The following AP3B1 variants were observed in gnomAD, a reference collection of about 807,000 sequenced individuals.
AP3B1 encodes the protein adaptor related protein complex 3 subunit beta 1, also known as AP-3 complex subunit beta-1.
In AP3B1, 61 loss-of-function variants were observed where a neutral mutation model predicts 132.5. That is an observed-to-expected ratio of 0.46 (90% confidence interval 0.37 to 0.57). The LOEUF (loss-of-function observed/expected upper bound fraction) is 0.57, where lower values mean the gene tolerates loss of function less well. AP3B1 is among the 20% of genes least tolerant of loss of function. The pLI, the probability that AP3B1 is intolerant of heterozygous loss-of-function variation, is 0.00. For missense variants in AP3B1, 1,120 were observed against 1,289.4 expected, an observed-to-expected ratio of 0.87 and a Z score of 2.01; for synonymous variants, 388 against 438.3, an observed-to-expected ratio of 0.89 and a Z score of 1.43.
chr5:78,066,414 C>T (rs148321838), intron 22 of AP3B1, among the ~76,000 whole-genome samples: 6 of 152,194 alleles, frequency 3.9e-5, no homozygotes, highest in Middle Eastern at 3.4e-3. Context: ...AGCTAAGAAC[C>T]GTGATAAAAC....
In AP3B1 at chr5:78,150,801, T is replaced by G. The variant is rs538626898; in HGVS notation, c.1473+5457A>C. On this transcript the variant is annotated intron_variant, in intron 14 of 26. Coordinates refer to ENST00000255194, the MANE Select transcript of AP3B1 (RefSeq NM_003664.5). Reference sequence around the variant, plus strand: ...TTTTTTTTTTACATAATTTCAGACTTACAAGAAGAGTAAAAAAAATTCTGG... The same window carrying G: ...TTTTTTTTTTACATAATTTCAGACTGACAAGAAGAGTAAAAAAAATTCTGG... Among the ~76,000 whole-genome samples, 4 of 152,248 alleles carry G rather than the reference T, an allele frequency of 2.6e-5. No homozygotes were observed. The South Asian group carries it at 8.3e-4, about 32-fold the overall frequency.
chr5:78,052,025 A>T (rs1174589910), intron 22 of AP3B1, among the ~76,000 whole-genome samples: 1 of 151,458 alleles, frequency 6.6e-6, no homozygotes, highest in Non-Finnish European at 1.5e-5. Context: ...GGATTTAAAA[A>T]AGTAAACGGC....
At position 78,294,634 on chromosome 5, in the gene AP3B1, G is replaced by T; in HGVS notation, c.-55C>A. The T allele has an allele frequency of 4.3e-6, 7 of 1,611,890 alleles. No individual in the cohort carries two copies. Among genetic ancestry groups the T allele is most frequent in the Non-Finnish European group, 5.1e-6 (6 of 1,179,820 alleles). On this transcript the variant is annotated 5_prime_UTR_variant, in exon 1 of 27. Transcript: ENST00000255194. ...TCCTGCCGGGGGTTCTCTCCAAAAG[G>T]TTCCAGTCCAGAGGGCACGGAACAA...
rs1554035156 is a variant in AP3B1 at position 78,278,363 on chromosome 5, G to GCCACAGAACATTA, written c.129-10769_129-10768insTAATGTTCTGTGG. On this transcript the variant is annotated intron_variant, in intron 1 of 26. Coordinates refer to ENST00000255194, the MANE Select transcript of AP3B1 (RefSeq NM_003664.5). ...CAAAAGGGGACTAATTCTTTGGGAG[G>GCCACAGAACATTA]CCGAGGCGGGCGGATCACGAGGTCA... Among the ~76,000 whole-genome samples the GCCACAGAACATTA allele has an allele frequency of 1.9e-4, 27 of 140,022 alleles. 2 individuals are homozygous for GCCACAGAACATTA. Among genetic ancestry groups the GCCACAGAACATTA allele is most frequent in the Non-Finnish European group, 2.3e-4 (14 of 61,278 alleles). The allele number at this position is 140,022 out of a possible 152,430, so 91.9% of individuals were successfully genotyped here. A position where few individuals can be genotyped will look rare whatever the true frequency, so the allele number is the denominator to read the frequency against.
At position 78,221,943 on chromosome 5, in the gene AP3B1, C is replaced by T. The variant is rs540011440; in HGVS notation, c.603+3599G>A. ...TTCAGGGCCAGCATCTTTCTTAATGCAAACACAATGTAAGCATTTCCTTTA... is the reference window on the plus strand; with the variant it reads ...TTCAGGGCCAGCATCTTTCTTAATGTAAACACAATGTAAGCATTTCCTTTA... On this transcript the variant is annotated intron_variant, in intron 6 of 26. Transcript: ENST00000255194. Among the ~76,000 whole-genome samples the T allele has an allele frequency of 1.4e-4, 21 of 152,176 alleles. No individual in the cohort carries two copies. The East Asian group carries it at 3.9e-3, about 28-fold the overall frequency.
intron 22 of AP3B1, among the ~76,000 whole-genome samples, chr5:78,060,494 T>C (rs1194363817): frequency 1.3e-5 from 2 of 152,196 alleles, no homozygotes; most frequent in Non-Finnish European, 2.9e-5. Flanking sequence ...AATTCAAGAA[T>C]ATATTACAAA....
At chr5:78,215,652 A>G (rs1745929955) in intron 7 of AP3B1, among the ~76,000 whole-genome samples, 1 of 152,214 alleles carries the variant, frequency 6.6e-6, no homozygotes, top group Non-Finnish European at 1.5e-5. Flanking sequence ...ATAAATTCAC[A>G]TGCTATAGGA....
At chr5:78,097,137 C>A (rs1463046146) in intron 21 of AP3B1, among the ~76,000 whole-genome samples, 4 of 120,720 alleles carry the variant, frequency 3.3e-5, no homozygotes, top group Non-Finnish European at 5.1e-5. Context: ...CCCGGCCAGC[C>A]GCCCCGTCCG....
chr5:78,194,219 A>G (rs1439822375), intron 7 of AP3B1, among the ~76,000 whole-genome samples: 1 of 152,140 alleles, frequency 6.6e-6, no homozygotes, highest in Non-Finnish European at 1.5e-5. Flanking sequence ...TATTTTTAGT[A>G]TATTATGCAT....
chr5:78,145,503 C>A (rs1374968822), intron 14 of AP3B1, among the ~76,000 whole-genome samples: 1 of 152,138 alleles, frequency 6.6e-6, no homozygotes, highest in Non-Finnish European at 1.5e-5. Context: ...CACTGGGTAG[C>A]GACAAAATGA....
intron 22 of AP3B1, among the ~76,000 whole-genome samples, chr5:78,060,478 C>A (rs1748998683): frequency 1.3e-5 from 2 of 152,244 alleles, no homozygotes; most frequent in South Asian, 4.2e-4. Context: ...AAGGCATGCA[C>A]ATTATAATTC....
intron 17 of AP3B1, among the ~76,000 whole-genome samples, chr5:78,122,228 A>C (rs971441875): frequency 9.5e-4 from 145 of 152,368 alleles, no homozygotes; most frequent in African/African-American, 3.1e-3. Flanking sequence ...TGACAAACCC[A>C]CAGCCAATAT....
intron 22 of AP3B1, among the ~76,000 whole-genome samples, chr5:78,077,874 G>T (rs772145964): frequency 6.6e-6 from 1 of 152,092 alleles, no homozygotes; most frequent in South Asian, 2.1e-4. Context: ...CTCATAACAC[G>T]CTGCTCTATG....
chr5:78,066,025 G>A (rs1474791852), intron 22 of AP3B1, among the ~76,000 whole-genome samples: 1 of 150,508 alleles, frequency 6.6e-6, no homozygotes, highest in African/African-American at 2.4e-5. Context: ...ATAGGAGGGA[G>A]CAAGGACAAT....
intron 22 of AP3B1, among the ~76,000 whole-genome samples, chr5:78,046,356 C>T (rs1029203621): frequency 2.0e-5 from 3 of 152,214 alleles, no homozygotes; most frequent in African/African-American, 7.2e-5. Flanking sequence ...CCCTTATGAG[C>T]ATCTAACGCC....
intron 23 of AP3B1, among the ~76,000 whole-genome samples, chr5:78,037,628 A>C (rs921092113): frequency 3.9e-5 from 6 of 152,348 alleles, no homozygotes; most frequent in African/African-American, 1.4e-4. Context: ...GAGAAAATTC[A>C]GCAATGCCAA....
At chr5:78,217,330 T>C in intron 6 of AP3B1, among the ~76,000 whole-genome samples, 1 of 152,146 alleles carries the variant, frequency 6.6e-6, no homozygotes, top group Non-Finnish European at 1.5e-5. Flanking sequence ...GCTATTATGC[T>C]AAACAAGTTT....
At chr5:78,264,085 T>C (rs1292904932) in intron 2 of AP3B1, among the ~76,000 whole-genome samples, 4 of 152,158 alleles carry the variant, frequency 2.6e-5, no homozygotes, top group African/African-American at 9.7e-5. Context: ...AAGTACTCTA[T>C]GAGGTTCACA....
chr5:78,096,036 C>A (rs952651783), intron 21 of AP3B1, among the ~76,000 whole-genome samples: 1 of 152,308 alleles, frequency 6.6e-6, no homozygotes, highest in Non-Finnish European at 1.5e-5. Flanking sequence ...CTCTCCCTCT[C>A]CCCACGGTCT....
Sources: allele counts gnomAD v4.1 joint callset (sites outside exome capture counted in the v4.1 genomes callset), GRCh38; gene constraint gnomAD v4.1.1; transcripts MANE v1.5; gene names NCBI Gene and HGNC (gene_info 2026-07-23, HGNC 2026-07-21).